Variants in HTR4 observed in about 807,000 individuals in gnomAD.
HTR4 encodes the protein 5-hydroxytryptamine (serotonin) receptor 4, G protein-coupled.
In HTR4, 16 loss-of-function variants were observed where a neutral mutation model predicts 36.8. That is an observed-to-expected ratio of 0.43 (90% confidence interval 0.29 to 0.66). The LOEUF is 0.66. Among genes scored for constraint, HTR4 ranks in the 30% least tolerant of loss-of-function variants. HTR4 has a pLI of 0.13. For missense variants in HTR4, 438 were observed against 490.9 expected, an observed-to-expected ratio of 0.89 and a Z score of 1.02; for synonymous variants, 189 against 185.1, an observed-to-expected ratio of 1.02 and a Z score of -0.17.
rs139455429 is a variant in HTR4 at position 148,617,295 on chromosome 5, G to T, written c.26+19694C>A. Among the ~76,000 whole-genome samples the T allele has an allele frequency of 7.6e-4, 116 of 152,246 alleles. 2 individuals are homozygous for T. The East Asian group carries it at 0.018, about 24-fold the overall frequency. On this transcript the variant is annotated intron_variant, in intron 2 of 6. Coordinates refer to ENST00000377888, the MANE Select transcript of HTR4 (RefSeq NM_000870.7). ...GCTTCACCTTCTGCCATGAGTAAAG[G>T]CACCCTGGGGTGCCAGGCAGATGCT...
At chr5:148,579,784 C>A (rs908134633) in intron 2 of HTR4, among the ~76,000 whole-genome samples, 5 of 152,086 alleles carry the variant, frequency 3.3e-5, no homozygotes, top group African/African-American at 1.2e-4. Flanking sequence ...GACACATGGT[C>A]TCCTCCATCT....
intron 2 of HTR4, among the ~76,000 whole-genome samples, chr5:148,609,711 G>A (rs1038117073): frequency 2.0e-5 from 3 of 151,608 alleles, no homozygotes; most frequent in East Asian, 1.9e-4. Flanking sequence ...GACTACAGGC[G>A]CCCACCACCA....
At chr5:148,609,991 C>T (rs545606088) in intron 2 of HTR4, among the ~76,000 whole-genome samples, 54 of 152,278 alleles carry the variant, frequency 3.5e-4, no homozygotes, top group African/African-American at 1.2e-3. Context: ...ATTACACTAT[C>T]CCAGAAGTTG....
At chr5:148,618,510 G>A (rs1376272962) in intron 2 of HTR4, among the ~76,000 whole-genome samples, 1 of 152,164 alleles carries the variant, frequency 6.6e-6, no homozygotes, top group Non-Finnish European at 1.5e-5. Flanking sequence ...CTCCTGCCTT[G>A]GTGGGTTACA....
At chr5:148,611,291 C>T (rs1419735948) in intron 2 of HTR4, among the ~76,000 whole-genome samples, 2 of 152,008 alleles carry the variant, frequency 1.3e-5, no homozygotes, top group African/African-American at 4.8e-5. Context: ...GGTCGGGTTA[C>T]TCTCAAAGGG....
intron 2 of HTR4, among the ~76,000 whole-genome samples, chr5:148,606,341 G>A (rs1244994108): frequency 6.6e-6 from 1 of 151,976 alleles, no homozygotes; most frequent in East Asian, 1.9e-4. Flanking sequence ...GTAAATATGA[G>A]GTATAACAAG....
At chr5:148,640,446 G>A (rs1753695398) in intron 1 of HTR4, among the ~76,000 whole-genome samples, 1 of 152,172 alleles carries the variant, frequency 6.6e-6, no homozygotes, top group African/African-American at 2.4e-5. Flanking sequence ...GAAAGACTCT[G>A]TATTTCCTCT....
At chr5:148,627,677 C>T (rs1205530093) in intron 2 of HTR4, among the ~76,000 whole-genome samples, 1 of 152,168 alleles carries the variant, frequency 6.6e-6, no homozygotes, top group Non-Finnish European at 1.5e-5. Context: ...TTCTTACATT[C>T]TTTAAAAATG....
intron 4 of HTR4, among the ~76,000 whole-genome samples, chr5:148,528,471 G>A (rs951868287): frequency 7.9e-5 from 12 of 151,990 alleles, no homozygotes; most frequent in Admixed American, 2.6e-4. Flanking sequence ...TCTGATCTTT[G>A]CTTTCGAGCA....
intron 2 of HTR4, among the ~76,000 whole-genome samples, chr5:148,624,701 C>T (rs976869444): frequency 1.3e-5 from 2 of 152,164 alleles, no homozygotes; most frequent in African/African-American, 4.8e-5. Flanking sequence ...AGATTCCAGG[C>T]TGCAAGTGAA....
intron 2 of HTR4, among the ~76,000 whole-genome samples, chr5:148,560,258 T>G (rs894959240): frequency 6.6e-6 from 1 of 150,924 alleles, no homozygotes; most frequent in Non-Finnish European, 1.5e-5. Flanking sequence ...TTGCATAGCC[T>G]TATTCCATAA....
chr5:148,621,822 G>T (rs1581558685), intron 2 of HTR4, among the ~76,000 whole-genome samples: 1 of 152,074 alleles, frequency 6.6e-6, no homozygotes, highest in East Asian at 1.9e-4. Flanking sequence ...TGGTCTACAG[G>T]TCATGATTAT....
At chr5:148,483,820 A>C (rs1348036378) in intron 6 of HTR4, among the ~76,000 whole-genome samples, 1 of 152,186 alleles carries the variant, frequency 6.6e-6, no homozygotes, top group Non-Finnish European at 1.5e-5. Context: ...TTCATTTCTA[A>C]AAATGGTAAT....
At chr5:148,499,374 G>C (rs1756832137) in intron 6 of HTR4, among the ~76,000 whole-genome samples, 1 of 152,160 alleles carries the variant, frequency 6.6e-6, no homozygotes. Context: ...TGCCTTGGGT[G>C]AGGAAAATGA....
At chr5:148,515,276 C>G (rs1209065441) in intron 5 of HTR4, among the ~76,000 whole-genome samples, 1 of 152,142 alleles carries the variant, frequency 6.6e-6, no homozygotes, top group Non-Finnish European at 1.5e-5. Context: ...AGATCCCAAA[C>G]AGCCCATGCC....
intron 4 of HTR4, among the ~76,000 whole-genome samples, chr5:148,540,623 G>A (rs896231138): frequency 2.0e-5 from 3 of 151,726 alleles, no homozygotes; most frequent in Non-Finnish European, 2.9e-5. Context: ...ATGTGGAAGA[G>A]GATATAGTAT....
chr5:148,548,568 T>A, intron 4 of HTR4, 100 bp downstream of exon 4: 4 of 986,652 alleles, frequency 4.1e-6, no homozygotes, highest in Non-Finnish European at 6.1e-6. Context: ...TCTCTGAGAT[T>A]CATTTCTTCT....
chr5:148,619,641 G>A (rs1319135010), intron 2 of HTR4, among the ~76,000 whole-genome samples: 12 of 152,124 alleles, frequency 7.9e-5, no homozygotes, highest in Admixed American at 6.5e-4. Flanking sequence ...CCTAGCCATC[G>A]ACACAATGCA....
chr5:148,470,256 T>C (rs1755532225), intron 5 of HTR4, among the ~76,000 whole-genome samples: 1 of 152,226 alleles, frequency 6.6e-6, no homozygotes, highest in Non-Finnish European at 1.5e-5. Flanking sequence ...GCCTCCTTTT[T>C]CAGCATTTTA....
Sources: allele counts gnomAD v4.1 joint callset (sites outside exome capture counted in the v4.1 genomes callset), GRCh38; gene constraint gnomAD v4.1.1; transcripts MANE v1.5; gene names NCBI Gene and HGNC (gene_info 2026-07-23, HGNC 2026-07-21).